ABCA8: variants seen among roughly 807,000 people sequenced by gnomAD.
ABCA8 encodes the protein ABC-type organic anion transporter ABCA8.
ABCA8 carries 177 observed loss-of-function variants against 192.3 expected under a neutral mutation model. The observed-to-expected ratio is 0.92, with a 90% CI of 0.81 to 1.04. The LOEUF (loss-of-function observed/expected upper bound fraction) is 1.04. Among genes scored for constraint, ABCA8 ranks in the 50% least tolerant of loss-of-function variants. The pLI, the probability that ABCA8 is intolerant of heterozygous loss-of-function variation, is 0.00. For missense variants in ABCA8, 1,915 were observed against 1,904.8 expected (o/e 1.01, Z -0.10); for synonymous variants, 642 against 690.2 (o/e 0.93, Z 1.09).
In ABCA8 at chr17:68,929,321, T is replaced by C. The variant is rs1598274596; in HGVS notation, c.940-87A>G. On this transcript the variant is annotated intron_variant, in intron 8 of 39. Coordinates refer to ENST00000586539, the MANE Select transcript of ABCA8 (RefSeq NM_001288985.2). Reference sequence around the variant, plus strand: ...ATAGATATACAAAATTATAGTTATTTTGTGTATGTAACAGTTGTATATTAT... The same window carrying C: ...ATAGATATACAAAATTATAGTTATTCTGTGTATGTAACAGTTGTATATTAT... 9 of 1,188,338 alleles carry C rather than the reference T, an allele frequency of 7.6e-6. No homozygotes were observed. The East Asian group carries it at 2.3e-4, about 31-fold the overall frequency. 73.6% of individuals were successfully genotyped at this position (1,188,338 alleles called of 1,614,324 possible). A position where few individuals can be genotyped will look rare whatever the true frequency, so the allele number is the denominator to read the frequency against.
chr17:68,875,212 G>A, intron 37 of ABCA8, 48 bp downstream of exon 37: 1 of 1,608,810 alleles, frequency 6.2e-7, no homozygotes. Context: ...TAACTGACAA[G>A]TAACAGTGAA....
rs759097246 is a variant in ABCA8, at chr17:68,883,886, G to A, written c.3616-4C>T. ...AAATGATAAAATGAAGGAAAGGCTA[G>A]GAATAAAGAGAGATGCACAATTAGA... On this transcript the variant is annotated splice_polypyrimidine_tract_variant and splice_region_variant and intron_variant, in intron 28 of 39. Coordinates refer to ENST00000586539, the MANE Select transcript of ABCA8 (RefSeq NM_001288985.2). 2 of 1,520,360 alleles carry A rather than the reference G, an allele frequency of 1.3e-6. No homozygotes were observed. Among genetic ancestry groups the A allele is most frequent in the South Asian group, 2.4e-5 (2 of 82,582 alleles). The allele number at this position is 1,520,360 out of a possible 1,614,324, so 94.2% of individuals were successfully genotyped here.
chr17:68,891,890 A>T (rs1284823021), intron 23 of ABCA8, among the ~76,000 whole-genome samples: 3 of 152,234 alleles, frequency 2.0e-5, no homozygotes, highest in African/African-American at 7.2e-5. Flanking sequence ...GGTGCTAAAT[A>T]ATACATTATA....
chr17:68,877,687 T>C lies in ABCA8; in HGVS notation c.4039-8A>G. 6.2e-7 allele frequency: 1 copy of C among 1,607,516 alleles called. No homozygotes were observed. Among genetic ancestry groups the C allele is most frequent in the East Asian group, 2.2e-5 (1 of 44,708 alleles). Reference sequence around the variant, plus strand: ...GCTCCCTTTCAGTAGCACCTGCAGATGAAAGTTCCCTCTCAGAACCTACCT... The same window carrying C: ...GCTCCCTTTCAGTAGCACCTGCAGACGAAAGTTCCCTCTCAGAACCTACCT... On this transcript the variant is annotated splice_region_variant and splice_polypyrimidine_tract_variant and intron_variant, in intron 32 of 39. Transcript: ENST00000586539.
rs536820779 is a variant in ABCA8, at chr17:68,945,467, C to T, written c.-5-3428G>A. On this transcript the variant is annotated intron_variant, in intron 2 of 39. Coordinates refer to ENST00000586539, the MANE Select transcript of ABCA8 (RefSeq NM_001288985.2). The stretch of plus-strand genomic sequence containing the variant: ...TTTAAGTTTTGTTGTGGTCAAACAA[C>T]CTTTTCCTTGGTGATTGTGTATTTG... 5.9e-5 allele frequency among the ~76,000 whole-genome samples: 9 copies of T among 152,236 alleles called. No homozygotes were observed. In the East Asian group the frequency reaches 1.7e-3, roughly 29 times the overall value.
At chr17:68,910,166 CA>C (rs1378312022) in intron 17 of ABCA8, among the ~76,000 whole-genome samples, 3 of 151,934 alleles carry the variant, frequency 2.0e-5, no homozygotes, top group Admixed American at 6.6e-5. Context: ...TTCATAAGAA[CA>C]AAAAAATCAG....
chr17:68,927,554 C>T (rs556633098), intron 10 of ABCA8, among the ~76,000 whole-genome samples: 59 of 151,912 alleles, frequency 3.9e-4, no homozygotes, highest in Non-Finnish European at 6.9e-4. Flanking sequence ...GTTGTCCAGC[C>T]GGAGCTCAGA....
At position 68,932,389 on chromosome 17, in the gene ABCA8, T is replaced by C; in HGVS notation, c.696A>G (p.Ser232=). ...TDLYLFSCII[S]FSSFIYYASV... is the part of the protein sequence containing the mutation. ...ATGCATAGTAAATGAATGAGGAAAA[T>C]GAAATAATGCAGGAAAAAAGGTACA... The change falls in exon 7 of 40, where the codon TCA becomes TCG. Residue 232 remains serine, a synonymous_variant. Coordinates refer to ENST00000586539, the MANE Select transcript of ABCA8 (RefSeq NM_001288985.2). 1 of 1,613,856 alleles carries C rather than the reference T, an allele frequency of 6.2e-7. No homozygotes were observed. The highest frequency in any genetic ancestry group is 1.6e-4 in the Middle Eastern group (1 of 6,062).
intron 4 of ABCA8, among the ~76,000 whole-genome samples, chr17:68,940,004 T>C (rs989727593): frequency 4.6e-5 from 7 of 152,096 alleles, no homozygotes; most frequent in Non-Finnish European, 1.0e-4. Flanking sequence ...CAGTTCTGAG[T>C]GGACTCTTAG....
Position 68,887,124 on chromosome 17 carries a change from A to G in ABCA8, c.3322T>C (p.Cys1108Arg). The change falls in exon 26 of 40, where the codon TGT (cysteine) becomes CGT (arginine). Residue 1108 changes from cysteine to arginine, a missense_variant. By Grantham distance (180) the Cys-to-Arg change is radical. Coordinates refer to ENST00000586539, the MANE Select transcript of ABCA8 (RefSeq NM_001288985.2). The part of the protein sequence containing the change: ...LTIIHIIQIP[C>R]AVGYSFSLIF... ...AGGGAAAAGGAATAACCAACAGCAC[A>G]TGGGATCTAAAATCAACAGGAATGT... 6.3e-7 allele frequency: 1 copy of G among 1,595,832 alleles called. No homozygotes were observed. Among genetic ancestry groups the G allele is most frequent in the Non-Finnish European group, 8.5e-7 (1 of 1,169,666 alleles).
intron 2 of ABCA8, among the ~76,000 whole-genome samples, chr17:68,943,878 C>T (rs2068302023): frequency 6.6e-6 from 1 of 151,868 alleles, no homozygotes; most frequent in Non-Finnish European, 1.5e-5. Flanking sequence ...AAAAAAATTA[C>T]AATAGCAAAG....
At chr17:68,913,998 C>T (rs2067286819) in intron 17 of ABCA8, among the ~76,000 whole-genome samples, 1 of 151,852 alleles carries the variant, frequency 6.6e-6, no homozygotes, top group Non-Finnish European at 1.5e-5. Context: ...AAGGATGGTT[C>T]AATGCATGGA....
rs1466378036 is a variant in ABCA8, at chr17:68,882,656, A to G, written c.3771T>C (p.Asp1257=). ...NPEEPEGEDE[D]VQMERVRTAN... ...CTGTTCTCACTCTTTCCATCTGAACATCTTCATCCTCTCCTTCTGGTTCTT... is the reference window on the plus strand; with the variant it reads ...CTGTTCTCACTCTTTCCATCTGAACGTCTTCATCCTCTCCTTCTGGTTCTT... Residue 1257 remains aspartate (D), a synonymous_variant, in exon 30 of 40, where the codon GAT becomes GAC. Coordinates refer to ENST00000586539, the MANE Select transcript of ABCA8 (RefSeq NM_001288985.2). 1.2e-6 allele frequency: 2 copies of G among 1,612,976 alleles called. No homozygotes were observed. Among genetic ancestry groups the G allele is most frequent in the Non-Finnish European group, 1.7e-6 (2 of 1,179,400 alleles).
At chr17:68,923,259 G>T (rs2067598061) in intron 11 of ABCA8, among the ~76,000 whole-genome samples, 1 of 151,370 alleles carries the variant, frequency 6.6e-6, no homozygotes, top group Non-Finnish European at 1.5e-5. Flanking sequence ...GAGTGCAGTG[G>T]CACAATATTG....
chr17:68,931,326 T>C (rs1024869043), intron 7 of ABCA8, among the ~76,000 whole-genome samples: 1 of 152,216 alleles, frequency 6.6e-6, no homozygotes, highest in African/African-American at 2.4e-5. Context: ...TTTATACCAT[T>C]CATGGGGATA....
chr17:68,909,610 G>A (rs1211672988), intron 17 of ABCA8, among the ~76,000 whole-genome samples: 1 of 152,098 alleles, frequency 6.6e-6, no homozygotes, highest in Non-Finnish European at 1.5e-5. Context: ...AGTAGGAATT[G>A]CTACTCTCAC....
chr17:68,932,349 T>C lies in ABCA8; in HGVS notation c.736A>G (p.Arg246Gly), dbSNP rs1442140589. The change falls in exon 7 of 40, where the codon AGA (arginine) becomes GGA (glycine). Residue 246 changes from arginine to glycine, a missense_variant. Physicochemically the swap from Arg to Gly is moderately radical, Grantham distance 125 (BLOSUM62 -2). Transcript: ENST00000586539. ...FIYYASVNVT[R>G]ERKRMKALMT... ...AAGGCCTTCATCCTTTTCCTCTCTCTTGTGACATTAACAGATGCATAGTAA... is the reference window on the plus strand; with the variant it reads ...AAGGCCTTCATCCTTTTCCTCTCTCCTGTGACATTAACAGATGCATAGTAA... 6.2e-7 allele frequency: 1 copy of C among 1,613,960 alleles called. No individual in the cohort carries two copies. Among genetic ancestry groups the C allele is most frequent in the Non-Finnish European group, 8.5e-7 (1 of 1,179,988 alleles).
At chr17:68,887,184 ATATT>A (rs2066484392) in intron 25 of ABCA8, 54 bp from the exon 26 acceptor site, 1 of 1,413,798 alleles carries the variant, frequency 7.1e-7, no homozygotes, top group Admixed American at 2.1e-5. Flanking sequence ...ATCAAGGAAA[ATATT>A]TAGGATTCAA....
At chr17:68,918,399 A>G (rs926128271) in intron 15 of ABCA8, 28 bp downstream of exon 15, 2 of 1,553,108 alleles carry the variant, frequency 1.3e-6, no homozygotes, top group South Asian at 1.2e-5. Context: ...TAAACTTTGA[A>G]TTCACCTGCA....
Sources: allele counts gnomAD v4.1 joint callset (sites outside exome capture counted in the v4.1 genomes callset), GRCh38; gene constraint gnomAD v4.1.1; transcripts MANE v1.5; gene names NCBI Gene and HGNC (gene_info 2026-07-23, HGNC 2026-07-21).